Variants in NDST1 observed in about 807,000 individuals in gnomAD.
NDST1 encodes bifunctional heparan sulfate N-deacetylase/N-sulfotransferase 1.
A neutral mutation model predicts 92.8 loss-of-function variants in NDST1; 35 were observed. The ratio of observed to expected loss-of-function variants is 0.38; its 90% CI spans 0.29 to 0.50. NDST1 has a LOEUF of 0.50. NDST1 is among the 20% of genes least tolerant of loss of function. NDST1 has a pLI of 0.94. For missense variants in NDST1, 822 were observed against 1,182.7 expected, an observed-to-expected ratio of 0.69 and a Z score of 4.47; for synonymous variants, 493 against 500.3, an observed-to-expected ratio of 0.99 and a Z score of 0.19.
At chr5:150,526,635 G>T (rs1348734109) in intron 2 of NDST1, among the ~76,000 whole-genome samples, 1 of 152,130 alleles carries the variant, frequency 6.6e-6, no homozygotes, top group South Asian at 2.1e-4. Flanking sequence ...ATATAATATT[G>T]CAGCTGAGGT....
chr5:150,542,105 C>T (rs894425792), intron 9 of NDST1, among the ~76,000 whole-genome samples: 4 of 152,142 alleles, frequency 2.6e-5, no homozygotes, highest in Admixed American at 2.6e-4. Context: ...ATGGGCACTC[C>T]CATTTTGTAG....
At chr5:150,514,661 A>G (rs1376917234) in intron 1 of NDST1, among the ~76,000 whole-genome samples, 1 of 150,962 alleles carries the variant, frequency 6.6e-6, no homozygotes, top group Non-Finnish European at 1.5e-5. Flanking sequence ...TGTTATTTTT[A>G]TTGTAGGAAC....
chr5:150,509,569 A>G (rs1237698225), intron 1 of NDST1, among the ~76,000 whole-genome samples: 3 of 151,970 alleles, frequency 2.0e-5, no homozygotes, highest in South Asian at 4.2e-4. Context: ...CTAGAGTGCA[A>G]TGGCGCCATC....
intron 1 of NDST1, among the ~76,000 whole-genome samples, chr5:150,501,466 A>T (rs968301516): frequency 3.3e-5 from 5 of 152,154 alleles, no homozygotes; most frequent in African/African-American, 1.2e-4. Flanking sequence ...CCAAGCAGTC[A>T]ATTGGACTAG....
At chr5:150,552,764 A>G (rs1370188809) in intron 14 of NDST1, 1 of 268,802 alleles carries the variant, frequency 3.7e-6, no homozygotes, top group East Asian at 9.3e-5. Context: ...GGAGTTCACT[A>G]TTGGAGGCTA....
intron 1 of NDST1, among the ~76,000 whole-genome samples, chr5:150,514,307 C>T (rs1002477889): frequency 5.3e-5 from 8 of 152,176 alleles, no homozygotes; most frequent in African/African-American, 1.4e-4. Flanking sequence ...TGGTGGCTCA[C>T]GCCTGTAATC....
upstream of NDST1, among the ~76,000 whole-genome samples, chr5:150,503,689 C>CT (rs1435427422): frequency 3.3e-5 from 5 of 152,168 alleles, no homozygotes; most frequent in Non-Finnish European, 5.9e-5. Context: ...AGAGCCCCTT[C>CT]CACCTTCCAG....
In NDST1 at chr5:150,549,930, T is replaced by C. The variant is rs1227016972; in HGVS notation, c.2426+143T>C. The C allele has an allele frequency of 5.3e-5, 37 of 694,266 alleles. No homozygotes were observed. The East Asian group carries it at 1.0e-3, about 19-fold the overall frequency. 43.0% of individuals were successfully genotyped at this position (694,266 alleles called of 1,614,324 possible). A position where few individuals can be genotyped will look rare whatever the true frequency, so the allele number is the denominator to read the frequency against. On this transcript the variant is annotated intron_variant, in intron 13 of 14. Transcript: ENST00000261797. ...AAAGTTATTAATATGACTTAAGTCA[T>C]ATTAATAAAGGTATCACCTTAAAAA...
rs1754545706 is a variant in NDST1 at position 150,527,923 on chromosome 5, A to G, written c.633A>G (p.Arg211=). 5 of 1,614,168 alleles carry G rather than the reference A, an allele frequency of 3.1e-6. No homozygotes were observed. The highest frequency in any genetic ancestry group is 4.2e-6 in the Non-Finnish European group (5 of 1,180,030). The change falls in exon 3 of 15, where the codon CGA becomes CGG. Residue 211 remains arginine, a synonymous_variant. Coordinates refer to ENST00000261797, the MANE Select transcript of NDST1 (RefSeq NM_001543.5). ...NPKSPLLYVT[R]PSEVEKGVLP... is the part of the protein sequence containing the mutation. ...AGTCCCCGCTGCTCTACGTGACGCG[A>G]CCTAGCGAGGTGGAGAAAGGTGTGC...
At chr5:150,509,944 A>G (rs1225815617) in intron 1 of NDST1, among the ~76,000 whole-genome samples, 1 of 152,102 alleles carries the variant, frequency 6.6e-6, no homozygotes, top group African/African-American at 2.4e-5. Flanking sequence ...CAGCTAGAGA[A>G]GCTGGGTCAG....
Position 150,527,758 on chromosome 5 carries a change from T to C in NDST1, c.514-46T>C, listed in dbSNP as rs373217351. The C allele has an allele frequency of 1.2e-5, 19 of 1,608,706 alleles. No homozygotes were observed. In the African/African-American group the frequency reaches 2.5e-4, roughly 21 times the overall value. ...TGAGAGACTGTGTCCTTTGGGGTTC[T>C]GGATGTGACAGTTCTGTTCCCCTTC... On this transcript the variant is annotated intron_variant, in intron 2 of 14. Coordinates refer to ENST00000261797, the MANE Select transcript of NDST1 (RefSeq NM_001543.5).
At chr5:150,547,471 G>GA (rs1755539237) in intron 11 of NDST1, among the ~76,000 whole-genome samples, 1 of 152,206 alleles carries the variant, frequency 6.6e-6, no homozygotes, top group Non-Finnish European at 1.5e-5. Flanking sequence ...GAATTCTGCA[G>GA]ATTCGGACCT....
chr5:150,528,876 T>C (rs1241364363), intron 3 of NDST1, among the ~76,000 whole-genome samples: 2 of 152,176 alleles, frequency 1.3e-5, no homozygotes, highest in African/African-American at 2.4e-5. Flanking sequence ...GAGTTTAAGT[T>C]TGTATAATAT....
At chr5:150,498,974 G>T (rs1389957756) in intron 1 of NDST1, among the ~76,000 whole-genome samples, 4 of 152,110 alleles carry the variant, frequency 2.6e-5, no homozygotes, top group African/African-American at 9.7e-5. Flanking sequence ...AGTTCTAGAG[G>T]TACACCCCAC....
chr5:150,549,321 C>T (rs1233171783), intron 12 of NDST1, among the ~76,000 whole-genome samples: 1 of 152,208 alleles, frequency 6.6e-6, no homozygotes, highest in Admixed American at 6.5e-5. Context: ...CATGCCCAGC[C>T]ATACCAGGCC....
chr5:150,534,676 A>C (rs1754903278), intron 4 of NDST1, among the ~76,000 whole-genome samples, 191 bp from the exon 5 acceptor site: 1 of 152,222 alleles, frequency 6.6e-6, no homozygotes, highest in South Asian at 2.1e-4. Flanking sequence ...CCACTGAGTC[A>C]AGGGCACACT....
upstream of NDST1, among the ~76,000 whole-genome samples, chr5:150,505,104 T>C (rs1753393132): frequency 6.6e-6 from 1 of 152,248 alleles, no homozygotes; most frequent in Non-Finnish European, 1.5e-5. Context: ...TGCATCTGTG[T>C]AATGATTTAA....
intron 3 of NDST1, among the ~76,000 whole-genome samples, chr5:150,529,250 G>T (rs1039830269): frequency 1.3e-5 from 2 of 152,000 alleles, no homozygotes; most frequent in Non-Finnish European, 2.9e-5. Context: ...CATTAGCTGG[G>T]TGTGGTGGTA....
At chr5:150,503,834 A>C (rs1244677033), upstream of NDST1, among the ~76,000 whole-genome samples, 1 of 152,060 alleles carries the variant, frequency 6.6e-6, no homozygotes, top group African/African-American at 2.4e-5. Context: ...AAGGCCTCCT[A>C]TAGGACCCCT....
Sources: gnomAD v4.1 joint callset for allele counts (sites outside exome capture counted in the v4.1 genomes callset) on GRCh38, gnomAD v4.1.1 for gene constraint, MANE v1.5 for transcripts, NCBI Gene and HGNC (gene_info 2026-07-23, HGNC 2026-07-21) for gene names.